NHS: variants seen among roughly 807,000 people sequenced by gnomAD.
NHS encodes NHS actin remodeling regulator, also known as actin remodeling regulator NHS.
In NHS, 5 loss-of-function variants were observed where a neutral mutation model predicts 72.5. That is an observed-to-expected ratio of 0.07 (90% CI 0.04 to 0.14). The LOEUF (loss-of-function observed/expected upper bound fraction) is 0.14, where lower values mean the gene tolerates loss of function less well. NHS is among the 10% of genes least tolerant of loss of function. The pLI, the probability that NHS is intolerant of heterozygous loss-of-function variation, is 1.00. For synonymous variants in NHS, 464 were observed against 547.7 expected (o/e 0.85, Z 2.13); for missense variants, 1,072 against 1,355.7 (o/e 0.79, Z 3.29).
chrX:17,505,460 C>T (rs2065053070), intron 1 of NHS, among the ~76,000 whole-genome samples: 1 of 111,549 alleles, frequency 9.0e-6, no homozygotes, highest in African/African-American at 3.3e-5. Context: ...CTGCAACAAC[C>T]TTAGGTATTA....
At chrX:17,411,883 T>A (rs1052208158) in intron 1 of NHS, among the ~76,000 whole-genome samples, 1 of 111,458 alleles carries the variant, frequency 9.0e-6, no homozygotes, top group African/African-American at 3.3e-5. Flanking sequence ...ATCTGTTTTG[T>A]AAGGGGTAAG....
rs1415127425 is a variant in NHS, at chrX:17,561,568, G to GCACA, written c.566-126173_566-126172insACAC. Among the ~76,000 whole-genome samples, 276 of 65,553 alleles carry GCACA rather than the reference G, an allele frequency of 4.2e-3. 2 individuals carry two copies. The highest frequency in any genetic ancestry group is 0.017 in the African/African-American group (230 of 13,826). 56.9% of individuals were successfully genotyped at this position (65,553 alleles called of 115,157 possible). A position where few individuals can be genotyped will look rare whatever the true frequency, so the allele number is the denominator to read the frequency against. On this transcript the variant is annotated intron_variant, in intron 1 of 8. Coordinates refer to ENST00000676302, the MANE Select transcript of NHS (RefSeq NM_001291867.2). ...CACATGCAAGTGCATGCGCGCGCGC[G>GCACA]CGCGCGCACACACACACACACACAC...
chrX:17,586,224 G>A (rs1352183375), intron 1 of NHS: 1 of 111,337 alleles, frequency 9.0e-6, no homozygotes, highest in East Asian at 2.8e-4. Context: ...TGAGAGCAGT[G>A]ACAATGAGGT....
chrX:17,483,122 T>C (rs1433700549), intron 1 of NHS, among the ~76,000 whole-genome samples: 1 of 112,341 alleles, frequency 8.9e-6, no homozygotes, highest in Non-Finnish European at 1.9e-5. Context: ...ATTCTTGTTG[T>C]TTGTTTGAAA....
At chrX:17,381,328 G>C (rs770532460) in intron 1 of NHS, among the ~76,000 whole-genome samples, 1 of 111,469 alleles carries the variant, frequency 9.0e-6, no homozygotes, top group African/African-American at 3.3e-5. Flanking sequence ...ACAGAAAAGC[G>C]CACAGACCAT....
chrX:17,378,170 A>T (rs1392142339), intron 1 of NHS, among the ~76,000 whole-genome samples: 1 of 111,355 alleles, frequency 9.0e-6, no homozygotes, highest in Non-Finnish European at 1.9e-5. Flanking sequence ...CTCTCTTTAG[A>T]TGCAGCAGTG....
At chrX:17,548,796 C>T (rs2065308550) in intron 1 of NHS, among the ~76,000 whole-genome samples, 1 of 111,517 alleles carries the variant, frequency 9.0e-6, no homozygotes, top group African/African-American at 3.3e-5. Flanking sequence ...AGAATAAAAG[C>T]TAGGCTGCAG....
chrX:17,510,353 A>G (rs1195231054), intron 1 of NHS, among the ~76,000 whole-genome samples: 1 of 112,060 alleles, frequency 8.9e-6, no homozygotes, highest in Non-Finnish European at 1.9e-5. Context: ...AGTATTGGTC[A>G]TGGGCCTTTA....
intron 1 of NHS, among the ~76,000 whole-genome samples, chrX:17,552,032 A>G (rs61034703): frequency 0.19 from 15,290 of 80,563 alleles, 1,068 homozygotes; most frequent in East Asian, 0.57. Context: ...CTTTAAAGGG[A>G]GGAAACCGAG....
chrX:17,579,677 A>G (rs947976855), intron 1 of NHS, among the ~76,000 whole-genome samples: 1 of 111,300 alleles, frequency 9.0e-6, no homozygotes, highest in Non-Finnish European at 1.9e-5. Flanking sequence ...AGCAGATACT[A>G]TGAGTGCCCT....
At chrX:17,530,584 T>G (rs1211075072) in intron 1 of NHS, among the ~76,000 whole-genome samples, 1 of 111,623 alleles carries the variant, frequency 9.0e-6, no homozygotes, top group Non-Finnish European at 1.9e-5. Context: ...CTGAATTTGC[T>G]GTTTAACATG....
chrX:17,393,374 T>C (rs1006135701), intron 1 of NHS, among the ~76,000 whole-genome samples: 1 of 112,086 alleles, frequency 8.9e-6, no homozygotes, highest in Non-Finnish European at 1.9e-5. Context: ...GTGCCTAAAA[T>C]AGCGAAAACC....
At position 17,727,892 on chromosome X, in the gene NHS, G is replaced by A. The variant is rs150235442; in HGVS notation, c.3786G>A (p.Thr1262=). 252 of 1,209,961 alleles carry A rather than the reference G, an allele frequency of 2.1e-4. No homozygotes were observed. Among genetic ancestry groups the A allele is most frequent in the Non-Finnish European group, 2.6e-4 (232 of 895,313 alleles). Residue 1262 remains threonine, a synonymous_variant, in exon 7 of 9, where the codon ACG becomes ACA. Coordinates refer to ENST00000676302, the MANE Select transcript of NHS (RefSeq NM_001291867.2). ...AGACTGAGCCTATTCCAGAAAACAC[G>A]CCAACCAAAAACTGTGCTTTTCCCA... ...RTETEPIPEN[T]PTKNCAFPTE...
intron 1 of NHS, among the ~76,000 whole-genome samples, chrX:17,495,040 G>A (rs774735431): frequency 1.8e-5 from 2 of 112,060 alleles, no homozygotes; most frequent in East Asian, 2.8e-4. Context: ...TAATCTGGAC[G>A]TATTCAAAAC....
At chrX:17,624,965 C>T (rs1459631067) in intron 1 of NHS, among the ~76,000 whole-genome samples, 2 of 112,054 alleles carry the variant, frequency 1.8e-5, no homozygotes, top group Non-Finnish European at 3.8e-5. Flanking sequence ...CCCCAGAGGG[C>T]TTCTGTTTGT....
rs2066169786 is a variant in NHS at position 17,687,484 on chromosome X, A to G, written c.566-258A>G. 7.3e-6 allele frequency: 3 copies of G among 410,850 alleles called. No homozygotes were observed. In the South Asian group the frequency reaches 9.9e-5, roughly 14 times the overall value. The allele number at this position is 410,850 out of a possible 1,213,427, so 33.9% of individuals were successfully genotyped here. A position where few individuals can be genotyped will look rare whatever the true frequency, so the allele number is the denominator to read the frequency against. On this transcript the variant is annotated intron_variant, in intron 1 of 8. Transcript: ENST00000676302. ...CCAAGGGTGAGGAATGAAGGTACGG[A>G]GAGGAAATTAGCTAGTCATAGGTAG... is the stretch of plus-strand genomic sequence containing the variant.
intron 1 of NHS, among the ~76,000 whole-genome samples, chrX:17,526,103 C>T (rs2065172103): frequency 8.9e-6 from 1 of 112,561 alleles, no homozygotes; most frequent in Admixed American, 9.3e-5. Flanking sequence ...TATTGTAACT[C>T]CATATTGGAG....
intron 3 of NHS, among the ~76,000 whole-genome samples, chrX:17,712,326 G>T: frequency 1.6e-5 from 1 of 62,894 alleles, no homozygotes; most frequent in South Asian, 8.7e-4. Flanking sequence ...TATATGTAAG[G>T]TCTTATTCTT....
chrX:17,647,071 C>A, intron 1 of NHS, among the ~76,000 whole-genome samples: 1 of 111,454 alleles, frequency 9.0e-6, no homozygotes, highest in East Asian at 2.8e-4. Context: ...GTTTGTATAA[C>A]TAGAGGGCAC....
Sources: gnomAD v4.1 joint callset for allele counts (sites outside exome capture counted in the v4.1 genomes callset) on GRCh38, gnomAD v4.1.1 for gene constraint, MANE v1.5 for transcripts, NCBI Gene and HGNC (gene_info 2026-07-23, HGNC 2026-07-21) for gene names.